Variants in TNFRSF19 observed in about 807,000 individuals in gnomAD.
TNFRSF19 encodes TNF receptor superfamily member 19, also known as tumor necrosis factor receptor superfamily member 19.
A neutral mutation model predicts 46.4 loss-of-function variants in TNFRSF19; 27 were observed. The ratio of observed to expected loss-of-function variants is 0.58; its 90% CI spans 0.43 to 0.80. TNFRSF19 has a LOEUF of 0.80. Ranked by LOEUF, TNFRSF19 falls within the 30% of genes least tolerant of loss-of-function variation. The pLI is 0.00. For missense variants in TNFRSF19, 511 were observed against 530.8 expected (o/e 0.96, Z 0.37); for synonymous variants, 204 against 205.0 (o/e 1.00, Z 0.04).
chr13:23,571,907 T>C (rs115139017), intron 1 of TNFRSF19, among the ~76,000 whole-genome samples: 1 of 151,962 alleles, frequency 6.6e-6, no homozygotes, highest in Non-Finnish European at 1.5e-5. Flanking sequence ...TAAATTTATC[T>C]GGGCAAAATA....
Position 23,599,894 on chromosome 13 carries a change from G to T in TNFRSF19, c.180+6439G>T, listed in dbSNP as rs549448744. On this transcript the variant is annotated intron_variant, in intron 3 of 9. Transcript: ENST00000248484. ...AACTTTGGAATGTCCTTGGCCAAGA[G>T]GGGGGGTCCATTCAGATGGTGGGGG... 7.9e-5 allele frequency among the ~76,000 whole-genome samples: 12 copies of T among 151,364 alleles called. No individual in the cohort carries two copies. The East Asian group carries it at 2.0e-3, about 25-fold the overall frequency.
At chr13:23,657,953 C>A (rs1156672027) in intron 5 of TNFRSF19, among the ~76,000 whole-genome samples, 1 of 152,178 alleles carries the variant, frequency 6.6e-6, no homozygotes. Flanking sequence ...AGGGGAGGCT[C>A]CTGTGGTGAG....
chr13:23,585,216 G>T (rs1025193724), intron 1 of TNFRSF19, among the ~76,000 whole-genome samples: 2 of 151,908 alleles, frequency 1.3e-5, no homozygotes, highest in African/African-American at 4.8e-5. Context: ...CAGTTTTTTT[G>T]ATGAAAACTG....
intron 4 of TNFRSF19, among the ~76,000 whole-genome samples, chr13:23,624,361 C>A (rs1881857369): frequency 6.6e-6 from 1 of 151,490 alleles, no homozygotes; most frequent in South Asian, 2.1e-4. Context: ...TCATAAATTC[C>A]AAAAGGAGTA....
intron 5 of TNFRSF19, 96 bp downstream of exon 5, chr13:23,626,888 A>G: frequency 2.6e-6 from 3 of 1,158,248 alleles, no homozygotes; most frequent in Non-Finnish European, 1.2e-6. Context: ...ATGGAGCCAA[A>G]TCTGTCTCTC....
intron 5 of TNFRSF19, among the ~76,000 whole-genome samples, chr13:23,651,373 C>G (rs963482434): frequency 6.6e-6 from 1 of 152,114 alleles, no homozygotes; most frequent in Non-Finnish European, 1.5e-5. Flanking sequence ...TTGCATGTGT[C>G]AAAACATAGT....
At chr13:23,600,577 A>G (rs1468802126) in intron 3 of TNFRSF19, among the ~76,000 whole-genome samples, 3 of 152,216 alleles carry the variant, frequency 2.0e-5, no homozygotes, top group Non-Finnish European at 4.4e-5. Flanking sequence ...CAGAAAAGGA[A>G]CATTTTGAAA....
intron 3 of TNFRSF19, among the ~76,000 whole-genome samples, chr13:23,615,173 C>T (rs2138254236): frequency 6.6e-6 from 1 of 152,280 alleles, no homozygotes; most frequent in Non-Finnish European, 1.5e-5. Flanking sequence ...TTACTGAGTT[C>T]TTGAACTTGT....
At position 23,615,894 on chromosome 13, in the gene TNFRSF19, G is replaced by A. The variant is rs769766526; in HGVS notation, c.208G>A (p.Ala70Thr). 1 of 1,611,742 alleles carries A rather than the reference G, an allele frequency of 6.2e-7. No homozygotes were observed. Among genetic ancestry groups the A allele is most frequent in the South Asian group, 1.1e-5 (1 of 90,790 alleles). Reference protein sequence around the residue: ...KECGFGYGEDAQCVTCRLHRF... With the variant: ...KECGFGYGEDTQCVTCRLHRF... Reference sequence around the variant, plus strand: ...ATGTGGCTTCGGCTATGGGGAGGATGCACAGTGTGTGACGTGCCGGCTGCA... The same window carrying A: ...ATGTGGCTTCGGCTATGGGGAGGATACACAGTGTGTGACGTGCCGGCTGCA... The change falls in exon 4 of 10, where the codon GCA becomes ACA. Residue 70 changes from alanine (A) to threonine (T), a missense_variant. Physicochemically the swap from Ala to Thr is moderately conservative, Grantham distance 58. Transcript: ENST00000248484.
intron 5 of TNFRSF19, among the ~76,000 whole-genome samples, chr13:23,636,138 T>A (rs1882662777): frequency 6.6e-6 from 1 of 152,236 alleles, no homozygotes; most frequent in Admixed American, 6.5e-5. Flanking sequence ...TGTTAATGTT[T>A]CCTGTCCTTG....
At chr13:23,596,797 A>G (rs1879762142) in intron 3 of TNFRSF19, among the ~76,000 whole-genome samples, 1 of 152,232 alleles carries the variant, frequency 6.6e-6, no homozygotes, top group Non-Finnish European at 1.5e-5. Flanking sequence ...AACAGAATGT[A>G]CATTCTTCTC....
At chr13:23,671,894 T>G (rs1951767168) in intron 9 of TNFRSF19, among the ~76,000 whole-genome samples, 1 of 121,406 alleles carries the variant, frequency 8.2e-6, no homozygotes, top group Non-Finnish European at 1.7e-5. Flanking sequence ...TTTCAGCAGC[T>G]CACTATTATG....
chr13:23,640,017 A>G (rs1388172241), intron 5 of TNFRSF19, among the ~76,000 whole-genome samples: 1 of 152,108 alleles, frequency 6.6e-6, no homozygotes, highest in Non-Finnish European at 1.5e-5. Context: ...AACTCACTTT[A>G]TAGTTTTAGA....
intron 1 of TNFRSF19, among the ~76,000 whole-genome samples, chr13:23,583,413 C>A (rs1200915528): frequency 6.6e-6 from 1 of 152,020 alleles, no homozygotes; most frequent in African/African-American, 2.4e-5. Context: ...GTAGTGAGTT[C>A]TTGGTATTTT....
chr13:23,622,262 G>A (rs1881715143), intron 4 of TNFRSF19, among the ~76,000 whole-genome samples: 1 of 105,082 alleles, frequency 9.5e-6, no homozygotes, highest in Non-Finnish European at 2.3e-5. Context: ...AACAAAATTA[G>A]CTGGGCATGG....
chr13:23,654,527 A>G (rs1222643306), intron 5 of TNFRSF19, among the ~76,000 whole-genome samples: 1 of 152,152 alleles, frequency 6.6e-6, no homozygotes, highest in Non-Finnish European at 1.5e-5. Context: ...ACCAGCTGCC[A>G]TGCACACTGG....
intron 5 of TNFRSF19, among the ~76,000 whole-genome samples, chr13:23,639,117 G>C (rs989618754): frequency 2.0e-5 from 3 of 152,158 alleles, no homozygotes; most frequent in African/African-American, 7.2e-5. Flanking sequence ...TTAAGGCCAG[G>C]TGTGGTGGCT....
chr13:23,671,508 A>G (rs200288972), intron 9 of TNFRSF19, among the ~76,000 whole-genome samples: 1 of 26,856 alleles, frequency 3.7e-5, no homozygotes, highest in Admixed American at 3.7e-4. Flanking sequence ...CAGATGCTGG[A>G]AAAAAAAAAA....
chr13:23,584,694 A>T (rs1445236479), intron 1 of TNFRSF19, among the ~76,000 whole-genome samples: 2 of 151,762 alleles, frequency 1.3e-5, no homozygotes, highest in Non-Finnish European at 2.9e-5. Context: ...AGAATTGGAG[A>T]TACTGTATTT....
Sources: gnomAD v4.1 joint callset for allele counts (sites outside exome capture counted in the v4.1 genomes callset) on GRCh38, gnomAD v4.1.1 for gene constraint, MANE v1.5 for transcripts, NCBI Gene and HGNC (gene_info 2026-07-23, HGNC 2026-07-21) for gene names.